Variants in PHTF2 observed in about 807,000 individuals in gnomAD.
PHTF2 encodes the protein putative homeodomain transcription factor 2, also known as protein PHTF2.
In PHTF2, 60 loss-of-function variants were observed where a neutral mutation model predicts 101.2. That is an observed-to-expected ratio of 0.59 (90% CI 0.48 to 0.73). The LOEUF (loss-of-function observed/expected upper bound fraction) is 0.73. Among genes scored for constraint, PHTF2 ranks in the 30% least tolerant of loss-of-function variants. The probability of loss-of-function intolerance (pLI) is 0.00; values close to 1 mark genes in which losing one functional copy is unlikely to be tolerated. For synonymous variants in PHTF2, 311 were observed against 307.3 expected (o/e 1.01, Z -0.13); for missense variants, 747 against 908.7 (o/e 0.82, Z 2.29).
chr7:77,956,982 T>C (rs1019960247), exon 20 of PHTF2: 22 of 152,120 alleles, frequency 1.4e-4, no homozygotes, highest in African/African-American at 5.1e-4. Context: ...AAAAGGAAAA[T>C]GTCATGTTAA....
At chr7:77,854,756 C>T (rs140688025) in exon 3 of PHTF2, 298 of 729,112 alleles carry the variant, frequency 4.1e-4, no homozygotes, top group African/African-American at 3.8e-3. Flanking sequence ...TGGCCACCAC[C>T]GCCCCAGGCC....
intron 1 of PHTF2, among the ~76,000 whole-genome samples, chr7:77,804,323 TTTTG>T (rs148344466): frequency 0.022 from 3,358 of 152,258 alleles, 51 homozygotes; most frequent in Middle Eastern, 0.068. Flanking sequence ...ATGAGGGGTT[TTTTG>T]TTTGTTTGTT....
chr7:77,815,269 A>G (rs923123013), intron 1 of PHTF2, among the ~76,000 whole-genome samples: 8 of 152,120 alleles, frequency 5.3e-5, no homozygotes, highest in East Asian at 1.9e-4. Context: ...CTTTGTGCAT[A>G]TCTGTAAATG....
At chr7:77,877,146 C>T (rs1438527607) in intron 3 of PHTF2, among the ~76,000 whole-genome samples, 8 of 136,740 alleles carry the variant, frequency 5.9e-5, no homozygotes, top group African/African-American at 8.2e-5. Flanking sequence ...GACAGAGTTT[C>T]GCTCTGTCAC....
chr7:77,802,506 T>A (rs1390864702), intron 1 of PHTF2, among the ~76,000 whole-genome samples: 1 of 152,190 alleles, frequency 6.6e-6, no homozygotes. Context: ...ATTTTGACTG[T>A]CTTTTCTTAA....
At chr7:77,862,057 CAAA>C (rs776337296) in intron 3 of PHTF2, among the ~76,000 whole-genome samples, 1 of 94,998 alleles carries the variant, frequency 1.1e-5, no homozygotes, top group Non-Finnish European at 2.1e-5. Flanking sequence ...AACTCCATCT[CAAA>C]AAAAAAAAAA....
At chr7:77,940,351 A>G (rs1282026819) in intron 14 of PHTF2, 49 bp downstream of exon 13, 2 of 1,470,258 alleles carry the variant, frequency 1.4e-6, no homozygotes, top group Non-Finnish European at 1.8e-6. Context: ...CGTTTTCATA[A>G]TATTAAAAGT....
exon 20 of PHTF2, chr7:77,957,276 T>A (rs1172669571): frequency 6.6e-5 from 10 of 152,186 alleles, no homozygotes; most frequent in Non-Finnish European, 1.2e-4. Context: ...ATGGTAATTT[T>A]GTGTTTACTT....
At chr7:77,855,561 G>T (rs548722487) in intron 3 of PHTF2, among the ~76,000 whole-genome samples, 2 of 152,206 alleles carry the variant, frequency 1.3e-5, no homozygotes, top group Non-Finnish European at 2.9e-5. Flanking sequence ...CCTAAGAATT[G>T]CAGTCCTTGT....
chr7:77,849,192 C>T (rs367890588), intron 2 of PHTF2, among the ~76,000 whole-genome samples: 6 of 151,922 alleles, frequency 3.9e-5, no homozygotes, highest in Admixed American at 6.6e-5. Context: ...GGCGTGATCC[C>T]GGCTTACTGC....
chr7:77,869,435 A>G (rs1401820592), intron 3 of PHTF2, among the ~76,000 whole-genome samples: 1 of 152,164 alleles, frequency 6.6e-6, no homozygotes, highest in Middle Eastern at 3.2e-3. Flanking sequence ...AGTCTCCTGT[A>G]TTACTCTCTA....
intron 3 of PHTF2, among the ~76,000 whole-genome samples, chr7:77,868,858 A>ATGT (rs1432856359): frequency 6.6e-6 from 1 of 152,238 alleles, no homozygotes; most frequent in Non-Finnish European, 1.5e-5. Context: ...TGACTTTTAA[A>ATGT]TGATTTTTGA....
intron 1 of PHTF2, among the ~76,000 whole-genome samples, chr7:77,809,392 A>G (rs1421423012): frequency 6.6e-6 from 1 of 151,936 alleles, no homozygotes; most frequent in Non-Finnish European, 1.5e-5. Context: ...ATGCCTGGGT[A>G]ATTTTTGTAT....
intron 3 of PHTF2, among the ~76,000 whole-genome samples, chr7:77,892,160 C>T (rs115878490): frequency 0.013 from 2,040 of 152,230 alleles, 51 homozygotes; most frequent in African/African-American, 0.046. Context: ...CGTGGTGGCA[C>T]GCGCCTGTAG....
At chr7:77,942,488 A>G (rs1192794259) in intron 15 of PHTF2, among the ~76,000 whole-genome samples, 2 of 152,224 alleles carry the variant, frequency 1.3e-5, no homozygotes, top group Non-Finnish European at 2.9e-5. Flanking sequence ...CTATATAAAT[A>G]TAGATACCCT....
chr7:77,886,232 C>T (rs1489314902), intron 3 of PHTF2, among the ~76,000 whole-genome samples: 2 of 152,108 alleles, frequency 1.3e-5, no homozygotes, highest in Non-Finnish European at 2.9e-5. Context: ...ATTAGATAGC[C>T]GAAGAGTAGC....
rs1801323757 is a variant in PHTF2 at position 77,900,859 on chromosome 7, G to T, written c.286+79G>T. The T allele has an allele frequency of 3.9e-6, 3 of 765,160 alleles. No individual in the cohort carries two copies. In the South Asian group the frequency reaches 4.5e-5, roughly 11 times the overall value. The allele number at this position is 765,160 out of a possible 1,614,324, so 47.4% of individuals were successfully genotyped here. ...AGAATTCAAAATAGGTTTAAATATTGTATTAGGCTGTTTTGCATTGCTATA... is the reference window on the plus strand; with the variant it reads ...AGAATTCAAAATAGGTTTAAATATTTTATTAGGCTGTTTTGCATTGCTATA... On this transcript the variant is annotated intron_variant, in intron 6 of 19. Transcript: ENST00000416283.
intron 9 of PHTF2, among the ~76,000 whole-genome samples, chr7:77,915,823 A>C (rs191488317): frequency 2.7e-4 from 41 of 152,282 alleles, no homozygotes; most frequent in Admixed American, 2.5e-3. Flanking sequence ...GTATAGAGAT[A>C]TATGTCTCCT....
At chr7:77,913,399 A>G (rs1194554474) in intron 9 of PHTF2, among the ~76,000 whole-genome samples, 1 of 152,008 alleles carries the variant, frequency 6.6e-6, no homozygotes, top group Non-Finnish European at 1.5e-5. Flanking sequence ...AAAAAAAAAA[A>G]AAAAAGATAG....
Sources: gnomAD v4.1 joint callset for allele counts (sites outside exome capture counted in the v4.1 genomes callset) on GRCh38, gnomAD v4.1.1 for gene constraint, MANE v1.5 for transcripts, NCBI Gene and HGNC (gene_info 2026-07-23, HGNC 2026-07-21) for gene names.